KIAA1958: variants seen among roughly 807,000 people sequenced by gnomAD.
KIAA1958 encodes uncharacterized protein KIAA1958.
In KIAA1958, 14 loss-of-function variants were observed where a neutral mutation model predicts 47.2. That is an observed-to-expected ratio of 0.30 (90% confidence interval 0.20 to 0.46). The LOEUF is 0.46. Among genes scored for constraint, KIAA1958 ranks in the 20% least tolerant of loss-of-function variants. The pLI is 1.00. For synonymous variants in KIAA1958, 354 were observed against 353.3 expected, an observed-to-expected ratio of 1.00 and a Z score of -0.02; for missense variants, 803 against 909.2, an observed-to-expected ratio of 0.88 and a Z score of 1.50.
intron 1 of KIAA1958, among the ~76,000 whole-genome samples, chr9:112,570,249 G>A (rs1295003300): frequency 1.3e-5 from 2 of 152,230 alleles, no homozygotes; most frequent in Non-Finnish European, 2.9e-5. Flanking sequence ...AGGTCACTGA[G>A]CTTGTTGAAT....
At chr9:112,587,653 G>A (rs888381215) in intron 2 of KIAA1958, among the ~76,000 whole-genome samples, 1 of 152,024 alleles carries the variant, frequency 6.6e-6, no homozygotes, top group African/African-American at 2.4e-5. Flanking sequence ...AAAATGGATA[G>A]GATTGCTTTC....
chr9:112,608,769 T>A (rs1836277248), intron 2 of KIAA1958, among the ~76,000 whole-genome samples: 1 of 151,822 alleles, frequency 6.6e-6, no homozygotes, highest in Non-Finnish European at 1.5e-5. Flanking sequence ...CTGGGTGGGG[T>A]GGCATGCACC....
intron 1 of KIAA1958, among the ~76,000 whole-genome samples, chr9:112,497,986 A>G (rs1334301194): frequency 6.6e-6 from 1 of 152,170 alleles, no homozygotes; most frequent in African/African-American, 2.4e-5. Context: ...TCATTAGGCA[A>G]GAAAGAGTAA....
intron 2 of KIAA1958, among the ~76,000 whole-genome samples, chr9:112,601,687 G>A (rs1189607187): frequency 6.6e-6 from 1 of 152,152 alleles, no homozygotes; most frequent in African/African-American, 2.4e-5. Context: ...AGCGGAGGAA[G>A]CTTTTTCCCT....
chr9:112,659,882 C>T lies in KIAA1958; in HGVS notation c.1964C>T (p.Thr655Ile). 6.2e-7 allele frequency: 1 copy of T among 1,614,166 alleles called. No individual in the cohort carries two copies. The highest frequency in any genetic ancestry group is 8.5e-7 in the Non-Finnish European group (1 of 1,180,002). Residue 655 changes from threonine to isoleucine, a missense_variant, in exon 4 of 4, where the codon ACT (threonine) becomes ATT (isoleucine). This residue lies in a region of KIAA1958 where 761 missense variants were observed against 829.3 expected (regional missense o/e 0.92). Coordinates refer to ENST00000337530, the MANE Select transcript of KIAA1958 (RefSeq NM_133465.4). ...QMEAKSPFYL[T>I]ARKEATDMGS... is the part of the protein sequence containing the mutation. ...GAGGCCAAGTCCCCCTTCTACCTGA[C>T]TGCCAGGAAGGAGGCCACAGACATG...
chr9:112,645,452 T>A (rs1836959337), intron 2 of KIAA1958, among the ~76,000 whole-genome samples, 198 bp from the exon 3 acceptor site: 2 of 152,220 alleles, frequency 1.3e-5, no homozygotes. Context: ...CTTACTGCAT[T>A]GATTCCATGC....
chr9:112,578,886 A>G (rs1366715868), intron 2 of KIAA1958, among the ~76,000 whole-genome samples: 1 of 152,108 alleles, frequency 6.6e-6, no homozygotes, highest in Admixed American at 6.5e-5. Flanking sequence ...TGTGTATATT[A>G]TATTTCTTCA....
chr9:112,523,444 TTAAA>T lies in KIAA1958; in HGVS notation c.-25+36347_-25+36350del, dbSNP rs34030752. On this transcript the variant is annotated intron_variant, in intron 1 of 3. Transcript: ENST00000337530. ...CCAGCCTGAGTGACAAAGTGTCTTA[TTAAA>T]TAAATAAATAAATAAATAAAGCACC... 2.1e-4 allele frequency among the ~76,000 whole-genome samples: 32 copies of T among 150,254 alleles called. 1 individual carries two copies. Among genetic ancestry groups the T allele is most frequent in the South Asian group, 4.2e-4 (2 of 4,708 alleles).
chr9:112,583,109 TC>T (rs770977498), intron 2 of KIAA1958, among the ~76,000 whole-genome samples: 1 of 152,224 alleles, frequency 6.6e-6, no homozygotes, highest in Non-Finnish European at 1.5e-5. Flanking sequence ...TGAGCACTCT[TC>T]CTATCTATGT....
At chr9:112,519,734 T>C (rs1030319642) in intron 1 of KIAA1958, among the ~76,000 whole-genome samples, 11 of 152,224 alleles carry the variant, frequency 7.2e-5, no homozygotes, top group Non-Finnish European at 1.5e-4. Flanking sequence ...ATATGATTGC[T>C]GCAAATCATA....
chr9:112,656,074 A>G (rs1837145347), intron 3 of KIAA1958, among the ~76,000 whole-genome samples: 1 of 152,066 alleles, frequency 6.6e-6, no homozygotes, highest in South Asian at 2.1e-4. Flanking sequence ...GAAAAACAAA[A>G]CTTTACAATG....
chr9:112,622,501 GA>G (rs962383557), intron 2 of KIAA1958, among the ~76,000 whole-genome samples: 58 of 152,202 alleles, frequency 3.8e-4, no homozygotes, highest in African/African-American at 1.4e-3. Flanking sequence ...TATAATGTTT[GA>G]AAAAGTTAAG....
chr9:112,518,560 G>T (rs1834479877), intron 1 of KIAA1958, among the ~76,000 whole-genome samples: 1 of 152,210 alleles, frequency 6.6e-6, no homozygotes, highest in African/African-American at 2.4e-5. Context: ...CTTAAGAGTG[G>T]TTGTGAGATT....
rs1837380221 is a variant in KIAA1958, at chr9:112,668,579, A to C, written c.*8510A>C. ...GCCTTGAAAACACACAGGAGTGTAG[A>C]GTATCGTCAGCTCTGATGCTCAGTT... On this transcript the variant is annotated 3_prime_UTR_variant, in exon 4 of 4. Coordinates refer to ENST00000337530, the MANE Select transcript of KIAA1958 (RefSeq NM_133465.4). The C allele has an allele frequency of 6.6e-6, 1 of 152,194 alleles. No homozygotes were observed. Among genetic ancestry groups the C allele is most frequent in the Non-Finnish European group, 1.5e-5 (1 of 68,030 alleles). 9.4% of individuals were successfully genotyped at this position (152,194 alleles called of 1,614,324 possible).
At chr9:112,549,605 A>G (rs1250961782) in intron 1 of KIAA1958, among the ~76,000 whole-genome samples, 1 of 152,230 alleles carries the variant, frequency 6.6e-6, no homozygotes, top group South Asian at 2.1e-4. Flanking sequence ...CCTTCTGCTG[A>G]AGGAGCTAAT....
At chr9:112,564,065 CATG>C (rs1835384064) in intron 1 of KIAA1958, among the ~76,000 whole-genome samples, 1 of 152,148 alleles carries the variant, frequency 6.6e-6, no homozygotes. Context: ...CATCAATACT[CATG>C]AGGAATATTG....
intron 2 of KIAA1958, among the ~76,000 whole-genome samples, chr9:112,607,433 TAAA>T (rs1413553061): frequency 6.6e-6 from 1 of 151,344 alleles, no homozygotes; most frequent in Non-Finnish European, 1.5e-5. Flanking sequence ...TGCTCAGTGG[TAAA>T]ATAAACGTTC....
chr9:112,523,555 A>C (rs1298182246), intron 1 of KIAA1958, among the ~76,000 whole-genome samples: 2 of 152,214 alleles, frequency 1.3e-5, no homozygotes, highest in East Asian at 3.8e-4. Context: ...CTGGCCTAGA[A>C]TTTCCTCACC....
chr9:112,486,959 G>A lies in KIAA1958; in HGVS notation c.-184G>A, dbSNP rs1382966371. The A allele has an allele frequency of 5.9e-6, 1 of 168,454 alleles. No homozygotes were observed. The highest frequency in any genetic ancestry group is 1.3e-4 in the South Asian group (1 of 7,762). The allele number at this position is 168,454 out of a possible 1,614,324, so 10.4% of individuals were successfully genotyped here. A position where few individuals can be genotyped will look rare whatever the true frequency, so the allele number is the denominator to read the frequency against. On this transcript the variant is annotated 5_prime_UTR_variant, in exon 1 of 4. Coordinates refer to ENST00000337530, the MANE Select transcript of KIAA1958 (RefSeq NM_133465.4). ...CTCCTCGGTCCGCCGCCCGCCGGGC[G>A]CCTTCCCCGCTCCACTTACCTTTGG... is the stretch of plus-strand genomic sequence containing the variant.
Sources: allele counts gnomAD v4.1 joint callset (sites outside exome capture counted in the v4.1 genomes callset), GRCh38; gene constraint gnomAD v4.1.1; regional missense constraint gnomAD v4.1.1; transcripts MANE v1.5; gene names NCBI Gene and HGNC (gene_info 2026-07-23, HGNC 2026-07-21).